The following TMEM178B variants were observed in gnomAD, a reference collection of about 807,000 sequenced individuals.
TMEM178B encodes transmembrane protein 178B.
TMEM178B carries 5 observed loss-of-function variants against 31.0 expected under a neutral mutation model. The observed-to-expected ratio is 0.16, with a 90% CI of 0.08 to 0.34. The LOEUF (loss-of-function observed/expected upper bound fraction) is 0.34. TMEM178B is among the 10% of genes least tolerant of loss of function. The pLI, the probability that TMEM178B is intolerant of heterozygous loss-of-function variation, is 1.00. For synonymous variants in TMEM178B, 164 were observed against 164.0 expected (o/e 1.00, Z 0.00); for missense variants, 275 against 400.3 (o/e 0.69, Z 2.67).
chr7:141,438,636 G>A (rs1160802650), intron 3 of TMEM178B, among the ~76,000 whole-genome samples: 1 of 143,986 alleles, frequency 6.9e-6, no homozygotes, highest in African/African-American at 2.6e-5. Flanking sequence ...CAAGGTGGGT[G>A]GATCATGAGG....
chr7:141,360,331 C>G lies in TMEM178B; in HGVS notation c.497-77277C>G, dbSNP rs778270427. 6.6e-4 allele frequency among the ~76,000 whole-genome samples: 101 copies of G among 152,194 alleles called. 1 individual carries two copies. Among genetic ancestry groups the G allele is most frequent in the Non-Finnish European group, 1.5e-4 (10 of 68,046 alleles). The stretch of plus-strand genomic sequence containing the variant: ...CCAGCCATGGTAATCCCATTCTGCT[C>G]TCATAGAAACTCCTTTTCTTGGCCT... On this transcript the variant is annotated intron_variant, in intron 2 of 3. Transcript: ENST00000565468.
chr7:141,450,738 C>A (rs1011802967), intron 3 of TMEM178B, among the ~76,000 whole-genome samples: 2 of 152,176 alleles, frequency 1.3e-5, no homozygotes, highest in African/African-American at 4.8e-5. Flanking sequence ...CAACCTATAG[C>A]AGGTCAACAG....
intron 3 of TMEM178B, among the ~76,000 whole-genome samples, chr7:141,446,493 G>C (rs181507965): frequency 2.0e-5 from 3 of 152,330 alleles, no homozygotes; most frequent in African/African-American, 4.8e-5. Flanking sequence ...GTTGGTGAAG[G>C]CATCTCAGAG....
intron 1 of TMEM178B, among the ~76,000 whole-genome samples, chr7:141,162,593 A>G (rs181794831): frequency 1.0e-3 from 152 of 152,344 alleles, no homozygotes; most frequent in African/African-American, 3.5e-3. Flanking sequence ...TTTCTTACCA[A>G]TGCATAGTTA....
chr7:141,489,063 A>C, the TMEM178B span, among the ~76,000 whole-genome samples: 1 of 152,288 alleles, frequency 6.6e-6, no homozygotes, highest in Non-Finnish European at 1.5e-5. Context: ...ACATTTTGAC[A>C]TACTTTTTTC....
At chr7:141,120,320 A>G (rs1392948467) in intron 1 of TMEM178B, among the ~76,000 whole-genome samples, 1 of 152,232 alleles carries the variant, frequency 6.6e-6, no homozygotes, top group Non-Finnish European at 1.5e-5. Context: ...TAGCATTCAT[A>G]TCCATGTTAG....
intron 2 of TMEM178B, among the ~76,000 whole-genome samples, chr7:141,235,183 C>T (rs967326489): frequency 1.3e-5 from 2 of 152,116 alleles, no homozygotes; most frequent in Non-Finnish European, 2.9e-5. Context: ...CTGGGAATGA[C>T]CTTTACCAAA....
chr7:141,506,674 A>C, the TMEM178B span, among the ~76,000 whole-genome samples: 1 of 152,130 alleles, frequency 6.6e-6, no homozygotes, highest in East Asian at 1.9e-4. Context: ...GCCCCTCCCA[A>C]ATCTTATGTC....
chr7:141,092,198 C>CTAGTAATT (rs1242048908), intron 1 of TMEM178B, among the ~76,000 whole-genome samples: 2 of 151,988 alleles, frequency 1.3e-5, no homozygotes, highest in Non-Finnish European at 2.9e-5. Flanking sequence ...TCTTGGTTAC[C>CTAGTAATT]CTACCAATTT....
At chr7:141,246,705 G>T (rs1302143436) in intron 2 of TMEM178B, among the ~76,000 whole-genome samples, 7 of 152,202 alleles carry the variant, frequency 4.6e-5, no homozygotes, top group Non-Finnish European at 1.0e-4. Context: ...GGGAACAAGA[G>T]ACATGGTGTA....
chr7:141,210,204 C>A (rs1797031832), intron 1 of TMEM178B, among the ~76,000 whole-genome samples: 1 of 152,098 alleles, frequency 6.6e-6, no homozygotes, highest in African/African-American at 2.4e-5. Flanking sequence ...GTGGCTCATG[C>A]CTGTAATCCC....
At chr7:141,113,566 C>A (rs1274631296) in intron 1 of TMEM178B, among the ~76,000 whole-genome samples, 2 of 152,184 alleles carry the variant, frequency 1.3e-5, no homozygotes, top group Admixed American at 1.3e-4. Flanking sequence ...CACCTCAACA[C>A]CCCATCCTTT....
At chr7:141,506,189 A>G in the TMEM178B span, among the ~76,000 whole-genome samples, 1 of 152,182 alleles carries the variant, frequency 6.6e-6, no homozygotes, top group African/African-American at 2.4e-5. Flanking sequence ...TTTTTCTTTT[A>G]TATTTTCAAG....
intron 2 of TMEM178B, among the ~76,000 whole-genome samples, chr7:141,231,664 G>A (rs1282560539): frequency 6.6e-6 from 1 of 152,228 alleles, no homozygotes; most frequent in Non-Finnish European, 1.5e-5. Flanking sequence ...GAGACTTGCT[G>A]CTGCTTGGTG....
At chr7:141,242,168 T>C (rs1306819717) in intron 2 of TMEM178B, among the ~76,000 whole-genome samples, 2 of 152,010 alleles carry the variant, frequency 1.3e-5, no homozygotes, top group Admixed American at 1.3e-4. Flanking sequence ...TAAGATTAAC[T>C]TTGAAGCAGA....
intron 2 of TMEM178B, among the ~76,000 whole-genome samples, chr7:141,413,915 C>T (rs1801050288): frequency 1.3e-5 from 2 of 152,154 alleles, no homozygotes; most frequent in Non-Finnish European, 2.9e-5. Context: ...ATTCTCTTCT[C>T]CCACTATTAA....
At chr7:141,398,352 T>C (rs1431407942) in intron 2 of TMEM178B, among the ~76,000 whole-genome samples, 2 of 152,110 alleles carry the variant, frequency 1.3e-5, no homozygotes, top group African/African-American at 4.8e-5. Flanking sequence ...GATGGAGGGA[T>C]CCTCTGTTTT....
chr7:141,119,731 G>T (rs949176894), intron 1 of TMEM178B, among the ~76,000 whole-genome samples: 5 of 152,190 alleles, frequency 3.3e-5, no homozygotes, highest in Admixed American at 1.3e-4. Flanking sequence ...GGGAGCCGGG[G>T]TTATGTCGGT....
intron 2 of TMEM178B, among the ~76,000 whole-genome samples, chr7:141,298,759 G>A (rs766437270): frequency 2.6e-5 from 4 of 152,216 alleles, no homozygotes; most frequent in Non-Finnish European, 4.4e-5. Context: ...GTGAAAAGAG[G>A]ACCAATTCCT....
Sources: allele counts gnomAD v4.1 joint callset (sites outside exome capture counted in the v4.1 genomes callset), GRCh38; gene constraint gnomAD v4.1.1; transcripts MANE v1.5; gene names NCBI Gene and HGNC (gene_info 2026-07-23, HGNC 2026-07-21).